The following OR4Q3 variants were observed in gnomAD, a reference collection of about 807,000 sequenced individuals.
OR4Q3 encodes the protein olfactory receptor 4Q3.
OR4Q3 carries 17 observed loss-of-function variants against 18.8 expected under a neutral mutation model. The ratio of observed to expected loss-of-function variants is 0.91; its 90% CI spans 0.62 to 1.36. The LOEUF (loss-of-function observed/expected upper bound fraction) is 1.36, where lower values mean the gene tolerates loss of function less well. Among genes scored for constraint, OR4Q3 ranks in the 40% most tolerant of loss-of-function variants. The probability of loss-of-function intolerance (pLI) is 0.00; values close to 1 mark genes in which losing one functional copy is unlikely to be tolerated. For synonymous variants in OR4Q3, 158 were observed against 145.8 expected (o/e 1.08, Z -0.60); for missense variants, 378 against 373.4 (o/e 1.01, Z -0.10).
At chr14:19,749,882 CTTTCTTTCTTTCTTTCTTTCTTTCTTTT>C, downstream of OR4Q3, among the ~76,000 whole-genome samples, 1 of 71,640 alleles carries the variant, frequency 1.4e-5, no homozygotes, top group Non-Finnish European at 3.2e-5. Flanking sequence ...TTCTTTCTTT[CTTTCTTTCTTTCTTTCTTTCTTTCTTTT>C]TTCTTTCTTT....
In OR4Q3 at chr14:19,748,362, C is replaced by T; in HGVS notation, c.959C>T (p.Pro320Leu). ...ATAAAACCATGTGGCATTCCATTGC[C>T]TTGTTAAGGAATGAGCAGAAGAGGT... The change falls in exon 2 of 2, where the codon CCT (proline) becomes CTT (leucine). Residue 320 changes from proline to leucine, a missense_variant. Physicochemically the swap from Pro to Leu is moderately conservative, Grantham distance 98. Transcript: ENST00000642117. 5.9e-4 allele frequency: 937 copies of T among 1,599,908 alleles called. 6 individuals are homozygous for T. The South Asian group carries it at 1.0e-2, about 17-fold the overall frequency.
downstream of OR4Q3, among the ~76,000 whole-genome samples, chr14:19,749,722 T>C: frequency 3.3e-3 from 499 of 150,572 alleles, 1 homozygote; most frequent in Non-Finnish European, 5.8e-3. Context: ...ATTGCTTCTT[T>C]CTTTCTTTTT....
At chr14:19,747,552 A>T in exon 2 of OR4Q3, 2 of 1,613,550 alleles carry the variant, frequency 1.2e-6, no homozygotes, top group South Asian at 2.2e-5. Flanking sequence ...GTCCTGGGAA[A>T]CCTCTTGATA....
chr14:19,750,661 T>C, downstream of OR4Q3, among the ~76,000 whole-genome samples: 1 of 152,214 alleles, frequency 6.6e-6, no homozygotes, highest in African/African-American at 2.4e-5. Context: ...TGTATTTTTA[T>C]TTTTGTGTTG....
At chr14:19,748,611 C>T in exon 2 of OR4Q3, 8 of 472,218 alleles carry the variant, frequency 1.7e-5, no homozygotes, top group East Asian at 6.5e-5. Flanking sequence ...TGGCCACAAA[C>T]GATAACAAGC....
At chr14:19,751,042 T>G, downstream of OR4Q3, among the ~76,000 whole-genome samples, 1 of 152,372 alleles carries the variant, frequency 6.6e-6, no homozygotes, top group East Asian at 1.9e-4. Context: ...AGGCTTTCTC[T>G]TGGTATAAGC....
chr14:19,745,914 G>A, intron 1 of OR4Q3, among the ~76,000 whole-genome samples: 64 of 152,174 alleles, frequency 4.2e-4, no homozygotes, highest in African/African-American at 1.1e-3. Context: ...CTGTGCACTC[G>A]GCTATATAGG....
At chr14:19,750,291 C>T, downstream of OR4Q3, among the ~76,000 whole-genome samples, 1 of 152,150 alleles carries the variant, frequency 6.6e-6, no homozygotes, top group Non-Finnish European at 1.5e-5. Context: ...GGCCAGATTA[C>T]TTAATTTCTA....
At chr14:19,752,155 C>A, downstream of OR4Q3, among the ~76,000 whole-genome samples, 1 of 152,108 alleles carries the variant, frequency 6.6e-6, no homozygotes, top group African/African-American at 2.4e-5. Flanking sequence ...GCAACAAAAC[C>A]AAAAATTGAC....
Position 19,748,037 on chromosome 14 carries a change from A to G in OR4Q3, c.634A>G (p.Ser212Gly). The G allele has an allele frequency of 1.9e-6, 3 of 1,613,906 alleles. No individual in the cohort carries two copies. In the East Asian group the frequency reaches 6.7e-5, roughly 36 times the overall value. ...GGTAGAGGTGCTGGTGATAGCCAAC[A>G]GTGGTCTGCTGTCTCTTGTCTGCTT... Residue 212 changes from serine (S) to glycine (G), a missense_variant, in exon 2 of 2, where the codon AGT becomes GGT. Coordinates refer to ENST00000642117, the Ensembl canonical transcript of OR4Q3.
At chr14:19,747,322 TTA>T in intron 1 of OR4Q3, 82 bp from the exon 2 acceptor site, 2 of 575,388 alleles carry the variant, frequency 3.5e-6, no homozygotes, top group Non-Finnish European at 5.2e-6. Context: ...TTTATGTAAT[TTA>T]TATATTATAT....
exon 2 of OR4Q3, chr14:19,748,294 A>G: frequency 6.2e-7 from 1 of 1,613,876 alleles, no homozygotes; most frequent in Non-Finnish European, 8.5e-7. Flanking sequence ...TCATCTACAC[A>G]CTCAGAAATA....
exon 2 of OR4Q3, chr14:19,748,329 A>C: frequency 6.2e-7 from 1 of 1,612,656 alleles, no homozygotes; most frequent in Non-Finnish European, 8.5e-7. Flanking sequence ...GCTATGAAGA[A>C]GCTGAGGATA....
intron 1 of OR4Q3, among the ~76,000 whole-genome samples, chr14:19,745,850 T>C: frequency 1.3e-5 from 2 of 152,192 alleles, no homozygotes; most frequent in Admixed American, 1.3e-4. Flanking sequence ...CAATTGACTC[T>C]AGAAAGTGAG....
At chr14:19,748,088 A>T in exon 2 of OR4Q3, 1 of 1,614,048 alleles carries the variant, frequency 6.2e-7, no homozygotes, top group Admixed American at 1.7e-5. Context: ...CTCTTATGCT[A>T]TCATCCTGAT....
intron 1 of OR4Q3, among the ~76,000 whole-genome samples, chr14:19,745,074 C>A: frequency 4.6e-5 from 7 of 152,106 alleles, no homozygotes; most frequent in Admixed American, 1.3e-4. Flanking sequence ...AGAATCCAGC[C>A]CTTACCTTGA....
chr14:19,746,988 G>A, intron 1 of OR4Q3, among the ~76,000 whole-genome samples: 1 of 152,180 alleles, frequency 6.6e-6, no homozygotes, highest in Non-Finnish European at 1.5e-5. Flanking sequence ...GCATTAAATT[G>A]AATAACCAAG....
At chr14:19,751,053 C>T, downstream of OR4Q3, among the ~76,000 whole-genome samples, 1 of 152,224 alleles carries the variant, frequency 6.6e-6, no homozygotes, top group Non-Finnish European at 1.5e-5. Flanking sequence ...TGGTATAAGC[C>T]AGCTGCAACA....
downstream of OR4Q3, among the ~76,000 whole-genome samples, chr14:19,752,154 C>T: frequency 6.6e-6 from 1 of 152,144 alleles, no homozygotes; most frequent in South Asian, 2.1e-4. Flanking sequence ...TGCAACAAAA[C>T]CAAAAATTGA....
Sources: gnomAD v4.1 joint callset for allele counts (sites outside exome capture counted in the v4.1 genomes callset) on GRCh38, gnomAD v4.1.1 for gene constraint, MANE v1.5 for transcripts, NCBI Gene and HGNC (gene_info 2026-07-23, HGNC 2026-07-21) for gene names.